Variants in ADAMTS14 observed in about 807,000 individuals in gnomAD.
ADAMTS14 encodes the protein A disintegrin and metalloproteinase with thrombospondin motifs 14.
In ADAMTS14, 100 loss-of-function variants were observed where a neutral mutation model predicts 128.6. The observed-to-expected ratio is 0.78, with a 90% CI of 0.66 to 0.92. ADAMTS14 has a LOEUF of 0.92. ADAMTS14 is among the 40% of genes least tolerant of loss of function. The pLI is 0.00. For missense variants in ADAMTS14, 1,562 were observed against 1,658.6 expected (o/e 0.94, Z 1.01); for synonymous variants, 665 against 653.8 (o/e 1.02, Z -0.26).
chr10:70,679,417 T>C (rs1839736726), intron 2 of ADAMTS14, among the ~76,000 whole-genome samples: 2 of 152,194 alleles, frequency 1.3e-5, no homozygotes, highest in East Asian at 1.9e-4. Flanking sequence ...CGGGCCACTC[T>C]TCAGAGCCAC....
At chr10:70,726,792 C>A in intron 4 of ADAMTS14, among the ~76,000 whole-genome samples, 1 of 152,158 alleles carries the variant, frequency 6.6e-6, no homozygotes, top group Non-Finnish European at 1.5e-5. Flanking sequence ...CTACTCCACC[C>A]TGAAGTCCCT....
intron 2 of ADAMTS14, among the ~76,000 whole-genome samples, chr10:70,699,985 C>T (rs554358006): frequency 6.2e-4 from 94 of 152,090 alleles, no homozygotes; most frequent in Middle Eastern, 3.4e-3. Flanking sequence ...TTGCTTGTTC[C>T]AGGGGCAGGA....
chr10:70,743,485 A>G, intron 12 of ADAMTS14, 63 bp from the exon 13 acceptor site: 1 of 1,545,292 alleles, frequency 6.5e-7, no homozygotes, highest in Non-Finnish European at 8.7e-7. Flanking sequence ...CCACATACTG[A>G]TCTGTCCTGG....
chr10:70,736,865 TC>T (rs1185250962), intron 10 of ADAMTS14, 72 bp downstream of exon 10: 3 of 1,407,886 alleles, frequency 2.1e-6, no homozygotes, highest in Non-Finnish European at 3.0e-6. Flanking sequence ...TGGGGGTGGA[TC>T]CCAGAGTGAA....
In ADAMTS14 at chr10:70,759,073, C is replaced by T. The variant is rs1244625051; in HGVS notation, c.3178+788C>T. ...ACCTCTCTGAGCTTAGTGACCTCAT[C>T]TGTAAGATAAGGTTCTGACTAGATG... On this transcript the variant is annotated intron_variant, in intron 21 of 21. Transcript: ENST00000373207. Among the ~76,000 whole-genome samples the T allele has an allele frequency of 3.7e-5, 5 of 136,688 alleles. No individual in the cohort carries two copies. In the Admixed American group the frequency reaches 4.0e-4, roughly 11 times the overall value. The allele number at this position is 136,688 out of a possible 152,430, so 89.7% of individuals were successfully genotyped here.
At chr10:70,748,630 G>C (rs561726099) in intron 15 of ADAMTS14, among the ~76,000 whole-genome samples, 1 of 152,344 alleles carries the variant, frequency 6.6e-6, no homozygotes, top group African/African-American at 2.4e-5. Flanking sequence ...TGTGTGTCTA[G>C]GAGTCTCCAA....
At chr10:70,735,385 C>G in intron 9 of ADAMTS14, 84 bp downstream of exon 9, 2 of 1,530,118 alleles carry the variant, frequency 1.3e-6, no homozygotes, top group Non-Finnish European at 1.8e-6. Context: ...TCATGAGGTG[C>G]CTTCTGCCCA....
At chr10:70,729,915 A>G (rs1246233921) in intron 5 of ADAMTS14, among the ~76,000 whole-genome samples, 187 bp from the exon 6 acceptor site, 1 of 152,226 alleles carries the variant, frequency 6.6e-6, no homozygotes, top group Admixed American at 6.5e-5. Context: ...TTGGCACGTG[A>G]TCATCCCTGA....
rs1842420967 is a variant in ADAMTS14 at position 70,753,966 on chromosome 10, G to A, written c.2896G>A (p.Val966Met). The A allele has an allele frequency of 1.3e-6, 2 of 1,581,998 alleles. No individual in the cohort carries two copies. Among genetic ancestry groups the A allele is most frequent in the Non-Finnish European group, 8.6e-7 (1 of 1,165,526 alleles). Reference sequence around the variant, plus strand: ...TGAGGCCCGACGGCCCTGTCTCCGAGTGCCCTGCCCAGCCCAGTGGAGGCT... The same window carrying A: ...TGAGGCCCGACGGCCCTGTCTCCGAATGCCCTGCCCAGCCCAGTGGAGGCT... ...RPEARRPCLR[V>M]PCPAQWRLGA... The change falls in exon 19 of 22, where the codon GTG (valine) becomes ATG (methionine). Residue 966 changes from valine (V) to methionine (M), a missense_variant. Coordinates refer to ENST00000373207, the MANE Select transcript of ADAMTS14 (RefSeq NM_080722.4).
At chr10:70,737,222 G>A (rs984536359) in intron 10 of ADAMTS14, among the ~76,000 whole-genome samples, 4 of 152,164 alleles carry the variant, frequency 2.6e-5, no homozygotes, top group African/African-American at 4.8e-5. Flanking sequence ...CTCTGAGCAT[G>A]AGACACACGT....
At chr10:70,705,197 C>T (rs904118410) in intron 3 of ADAMTS14, among the ~76,000 whole-genome samples, 2 of 152,214 alleles carry the variant, frequency 1.3e-5, no homozygotes, top group Non-Finnish European at 2.9e-5. Context: ...TGCTGGGCCA[C>T]CAGGCTCAAG....
intron 5 of ADAMTS14, 55 bp from the exon 6 acceptor site, chr10:70,730,047 G>C: frequency 1.3e-6 from 2 of 1,525,262 alleles, no homozygotes; most frequent in African/African-American, 2.7e-5. Context: ...GAGGCCTGCT[G>C]TTTCTAGGGC....
chr10:70,736,812 G>A lies in ADAMTS14; in HGVS notation c.1599+19G>A. On this transcript the variant is annotated intron_variant, in intron 10 of 21. Coordinates refer to ENST00000373207, the MANE Select transcript of ADAMTS14 (RefSeq NM_080722.4). ...CGGCAAGGTACCTGTGGGGTGTGCA[G>A]CAGGAGTGGCCTTCCTGGGGTGCAG... 6.2e-7 allele frequency: 1 copy of A among 1,609,186 alleles called. No individual in the cohort carries two copies. The highest frequency in any genetic ancestry group is 8.5e-7 in the Non-Finnish European group (1 of 1,176,284).
At chr10:70,683,358 C>T (rs553811898) in intron 2 of ADAMTS14, among the ~76,000 whole-genome samples, 78 of 152,336 alleles carry the variant, frequency 5.1e-4, no homozygotes, top group South Asian at 3.7e-3. Flanking sequence ...TCTGTGTTTG[C>T]AGCACACGAA....
intron 10 of ADAMTS14, among the ~76,000 whole-genome samples, chr10:70,738,301 C>T (rs547008403): frequency 4.5e-4 from 68 of 152,292 alleles, no homozygotes; most frequent in Non-Finnish European, 9.1e-4. Flanking sequence ...TAAACTGAGG[C>T]TCAGCAAGCT....
rs182070637 is a variant in ADAMTS14, at chr10:70,736,763, G to A, written c.1569G>A (p.Pro523=). ...TCTGCAAGACCAAGAAGGGGCCCCC[G>A]CTGGATGGGACTGAGTGTGCACCCG... The part of the protein sequence containing the change: ...PYFCKTKKGP[P]LDGTECAPGK... Residue 523 remains proline (P), a synonymous_variant, in exon 10 of 22, where the codon CCG becomes CCA. Transcript: ENST00000373207. The A allele has an allele frequency of 3.0e-4, 481 of 1,613,782 alleles. 3 individuals carry two copies. The East Asian group carries it at 6.7e-3, about 23-fold the overall frequency.
chr10:70,703,881 C>G (rs533270406), intron 3 of ADAMTS14, among the ~76,000 whole-genome samples: 26 of 152,368 alleles, frequency 1.7e-4, no homozygotes, highest in African/African-American at 6.0e-4. Context: ...CCTGGTCCAT[C>G]TACGGGCCTT....
intron 8 of ADAMTS14, 142 bp from the exon 9 acceptor site, chr10:70,735,027 C>T (rs975322817): frequency 2.7e-6 from 3 of 1,102,448 alleles, no homozygotes; most frequent in East Asian, 2.7e-5. Flanking sequence ...AGCCCGTCCT[C>T]CCTGGAAGAG....
In ADAMTS14 at chr10:70,738,997, G is replaced by A. The variant is rs1333832110; in HGVS notation, c.1748+7G>A. The A allele has an allele frequency of 1.9e-6, 3 of 1,601,366 alleles. No individual in the cohort carries two copies. Reference sequence around the variant, plus strand: ...GGAGCTGCAACAACCCCTCGTGAGTGTGCTTGGCTAGGGTGGGGAGGGCAG... The same window carrying A: ...GGAGCTGCAACAACCCCTCGTGAGTATGCTTGGCTAGGGTGGGGAGGGCAG... On this transcript the variant is annotated splice_region_variant and intron_variant, in intron 11 of 21. Transcript: ENST00000373207.
Sources: allele counts gnomAD v4.1 joint callset (sites outside exome capture counted in the v4.1 genomes callset), GRCh38; gene constraint gnomAD v4.1.1; transcripts MANE v1.5; gene names NCBI Gene and HGNC (gene_info 2026-07-23, HGNC 2026-07-21).